NUDT21: variants seen among roughly 807,000 people sequenced by gnomAD.
The protein encoded by NUDT21 is nudix hydrolase 21, also known as cleavage and polyadenylation specificity factor subunit 5.
In NUDT21, 5 loss-of-function variants were observed where a neutral mutation model predicts 29.8. The ratio of observed to expected loss-of-function variants is 0.17; its 90% confidence interval spans 0.09 to 0.35. The LOEUF is 0.35. Ranked by LOEUF, NUDT21 falls within the 10% of genes least tolerant of loss-of-function variation. The pLI is 1.00. For synonymous variants in NUDT21, 113 were observed against 98.5 expected, an observed-to-expected ratio of 1.15 and a Z score of -0.87; for missense variants, 76 against 276.0, an observed-to-expected ratio of 0.28 and a Z score of 5.13.
chr16:56,449,290 C>G (rs144696821), intron 1 of NUDT21: 3 of 152,310 alleles, frequency 2.0e-5, no homozygotes, highest in Non-Finnish European at 4.4e-5. Context: ...AATCAGAGTG[C>G]CAGCCCAGAC....
chr16:56,438,793 A>AG (rs1380112205), intron 4 of NUDT21, among the ~76,000 whole-genome samples: 18 of 152,250 alleles, frequency 1.2e-4, no homozygotes, highest in Middle Eastern at 3.4e-3. Flanking sequence ...ATAAAACACA[A>AG]GGAAAAAAAA....
At chr16:56,433,975 C>G (rs1472252927) in intron 6 of NUDT21, among the ~76,000 whole-genome samples, 1 of 152,262 alleles carries the variant, frequency 6.6e-6, no homozygotes, top group Non-Finnish European at 1.5e-5. Flanking sequence ...GCATGAGCCA[C>G]TACATCCAGC....
intron 4 of NUDT21, among the ~76,000 whole-genome samples, chr16:56,435,392 G>A (rs1327317660): frequency 6.6e-6 from 1 of 151,884 alleles, no homozygotes; most frequent in African/African-American, 2.4e-5. Context: ...GGGATTACAG[G>A]CATCAGCCAC....
At chr16:56,434,649 C>T (rs8056687) in intron 5 of NUDT21, 105 bp downstream of exon 5, 546,777 of 902,772 alleles carry the variant, frequency 0.61, 170,135 homozygotes, top group African/African-American at 0.92. Context: ...AGTTTTACAA[C>T]AAACCCAAAA....
At chr16:56,433,139 G>C (rs1311980395) in intron 6 of NUDT21, among the ~76,000 whole-genome samples, 2 of 152,108 alleles carry the variant, frequency 1.3e-5, no homozygotes, top group African/African-American at 4.8e-5. Flanking sequence ...AACCTATCAG[G>C]AGGCCAAAGT....
Position 56,434,213 on chromosome 16 carries a change from T to A in NUDT21, c.662+118A>T. The A allele has an allele frequency of 7.3e-6, 5 of 683,254 alleles. No individual in the cohort carries two copies. The South Asian group carries it at 8.2e-5, about 11-fold the overall frequency. 42.3% of individuals were successfully genotyped at this position (683,254 alleles called of 1,614,324 possible). A position where few individuals can be genotyped will look rare whatever the true frequency, so the allele number is the denominator to read the frequency against. ...CTTGCACATGATCTAAGAGTCTATCTACTTTCTTAGTTTCCTTAAAGACCA... is the reference window on the plus strand; with the variant it reads ...CTTGCACATGATCTAAGAGTCTATCAACTTTCTTAGTTTCCTTAAAGACCA... On this transcript the variant is annotated intron_variant, in intron 6 of 6. Transcript: ENST00000300291.
At chr16:56,444,499 G>A (rs539886939) in intron 3 of NUDT21, among the ~76,000 whole-genome samples, 14 of 151,126 alleles carry the variant, frequency 9.3e-5, no homozygotes, top group Non-Finnish European at 1.5e-4. Flanking sequence ...CAGGAGAATC[G>A]CTTGAACCCA....
At chr16:56,434,887 T>C (rs1962078282) in intron 4 of NUDT21, 58 bp from the exon 5 acceptor site, 2 of 1,025,930 alleles carry the variant, frequency 1.9e-6, no homozygotes, top group Non-Finnish European at 1.5e-6. Context: ...TTTCTTTACA[T>C]GTTTACTCCC....
chr16:56,437,264 T>C (rs1348394469), intron 4 of NUDT21, among the ~76,000 whole-genome samples: 2 of 152,194 alleles, frequency 1.3e-5, no homozygotes, highest in Admixed American at 6.5e-5. Context: ...CATCTTGTCA[T>C]GTAAAGGAGC....
intron 2 of NUDT21, 146 bp downstream of exon 2, chr16:56,447,643 T>C: frequency 1.5e-6 from 1 of 671,110 alleles, no homozygotes; most frequent in Admixed American, 2.8e-5. Flanking sequence ...TGGAGAAAAA[T>C]TACTCATGAT....
chr16:56,443,334 G>A (rs1567539522), intron 3 of NUDT21, among the ~76,000 whole-genome samples: 2 of 151,960 alleles, frequency 1.3e-5, no homozygotes, highest in African/African-American at 4.8e-5. Flanking sequence ...CCGCCACCAC[G>A]CCCAGCTAAT....
At chr16:56,434,496 CCATTT>C (rs1468230171) in intron 5 of NUDT21, 51 bp from the exon 6 acceptor site, 6 of 1,032,494 alleles carry the variant, frequency 5.8e-6, no homozygotes, top group Non-Finnish European at 8.8e-6. Flanking sequence ...ATCACTGCTT[CCATTT>C]CATTTTTAAA....
At chr16:56,440,100 T>C (rs1962143261) in intron 3 of NUDT21, among the ~76,000 whole-genome samples, 2 of 152,250 alleles carry the variant, frequency 1.3e-5, no homozygotes, top group African/African-American at 4.8e-5. Context: ...TGCAGTTCTC[T>C]GTCCTGCTTC....
rs555833832 is a variant in NUDT21, at chr16:56,440,016, T to C, written c.382-270A>G. ...TAATTTGTATAGCAGAACACTAAAC[T>C]TATTTTAACCAAAGTCATACTCTAC... On this transcript the variant is annotated intron_variant, in intron 3 of 6. Coordinates refer to ENST00000300291, the MANE Select transcript of NUDT21 (RefSeq NM_007006.3). 3.9e-5 allele frequency among the ~76,000 whole-genome samples: 6 copies of C among 152,348 alleles called. No homozygotes were observed. In the South Asian group the frequency reaches 1.2e-3, roughly 32 times the overall value.
intron 6 of NUDT21, among the ~76,000 whole-genome samples, chr16:56,434,093 A>C (rs562401126): frequency 6.6e-6 from 1 of 152,244 alleles, no homozygotes; most frequent in South Asian, 2.1e-4. Flanking sequence ...ACTCTTGAGA[A>C]TATCAGAATT....
chr16:56,435,743 T>TATA (rs1491361552), intron 4 of NUDT21, among the ~76,000 whole-genome samples: 14 of 27,054 alleles, frequency 5.2e-4, no homozygotes, highest in African/African-American at 1.7e-3. Flanking sequence ...AAAAAAAAAA[T>TATA]TATATATATA....
At chr16:56,436,576 G>C (rs1377978550) in intron 4 of NUDT21, among the ~76,000 whole-genome samples, 2 of 152,222 alleles carry the variant, frequency 1.3e-5, no homozygotes, top group Admixed American at 6.5e-5. Context: ...CAGTCACAGA[G>C]AAAGTGGCCT....
intron 2 of NUDT21, 149 bp downstream of exon 2, chr16:56,447,640 A>G: frequency 1.5e-6 from 1 of 669,622 alleles, no homozygotes; most frequent in South Asian, 1.9e-5. Context: ...CAATGGAGAA[A>G]AATTACTCAT....
At chr16:56,441,361 C>T (rs1482986135) in intron 3 of NUDT21, among the ~76,000 whole-genome samples, 1 of 152,158 alleles carries the variant, frequency 6.6e-6, no homozygotes, top group Non-Finnish European at 1.5e-5. Flanking sequence ...CTCAGCCTCC[C>T]GAGTAGCTGG....
Sources: gnomAD v4.1 joint callset for allele counts (sites outside exome capture counted in the v4.1 genomes callset) on GRCh38, gnomAD v4.1.1 for gene constraint, MANE v1.5 for transcripts, NCBI Gene and HGNC (gene_info 2026-07-23, HGNC 2026-07-21) for gene names.